NDUFS7: variants seen among roughly 807,000 people sequenced by gnomAD.
NDUFS7 encodes the protein NADH dehydrogenase [ubiquinone] iron-sulfur protein 7, mitochondrial.
In NDUFS7, 11 loss-of-function variants were observed where a neutral mutation model predicts 31.1. The ratio of observed to expected loss-of-function variants is 0.35; its 90% CI spans 0.22 to 0.59. The LOEUF (loss-of-function observed/expected upper bound fraction) is 0.59, where lower values mean the gene tolerates loss of function less well. NDUFS7 is among the 20% of genes least tolerant of loss of function. The probability of loss-of-function intolerance (pLI) is 0.79; values close to 1 mark genes in which losing one functional copy is unlikely to be tolerated. For synonymous variants in NDUFS7, 136 were observed against 127.9 expected, an observed-to-expected ratio of 1.06 and a Z score of -0.43; for missense variants, 263 against 324.2, an observed-to-expected ratio of 0.81 and a Z score of 1.45.
At chr19:1,385,659 A>G (rs1295785277) in intron 1 of NDUFS7, among the ~76,000 whole-genome samples, 3 of 152,130 alleles carry the variant, frequency 2.0e-5, no homozygotes, top group African/African-American at 4.8e-5. Context: ...TCTCTACTAA[A>G]AAATGCAAAA....
chr19:1,391,111 T>C lies in NDUFS7; in HGVS notation c.409-8T>C. 6.2e-7 allele frequency: 1 copy of C among 1,612,864 alleles called. No homozygotes were observed. Among genetic ancestry groups the C allele is most frequent in the South Asian group, 1.1e-5 (1 of 90,994 alleles). The stretch of plus-strand genomic sequence containing the variant: ...GTGAGCTGCGCACGGACCCCGCCTC[T>C]CTTCCAGGTCTACGACCAGATGCCG... On this transcript the variant is annotated splice_polypyrimidine_tract_variant and splice_region_variant and intron_variant, in intron 5 of 7. Transcript: ENST00000233627.
chr19:1,388,124 T>G, intron 2 of NDUFS7: 1 of 594,572 alleles, frequency 1.7e-6, no homozygotes, highest in Non-Finnish European at 3.0e-6. Context: ...TGGGAAGGCA[T>G]TCTCTGAGCC....
At chr19:1,391,604 A>T (rs1157073706) in intron 6 of NDUFS7, among the ~76,000 whole-genome samples, 1 of 148,358 alleles carries the variant, frequency 6.7e-6, no homozygotes, top group Non-Finnish European at 1.5e-5. Flanking sequence ...TTCCTGCCTC[A>T]GCCTCCCAAG....
chr19:1,388,522 C>G lies in NDUFS7; in HGVS notation c.54-3C>G. ...CACTGACCCGCGTTCCATCTCCCGG[C>G]AGCTCCAGCGTGGGCCCGGCTGTGC... On this transcript the variant is annotated splice_polypyrimidine_tract_variant and splice_region_variant and intron_variant, in intron 2 of 7. Transcript: ENST00000233627. 6.2e-7 allele frequency: 1 copy of G among 1,610,894 alleles called. No homozygotes were observed. Among genetic ancestry groups the G allele is most frequent in the East Asian group, 2.2e-5 (1 of 44,826 alleles).
At chr19:1,387,911 CGGGGGGGG>C in intron 2 of NDUFS7, 64 bp downstream of exon 2, 1 of 128,812 alleles carries the variant, frequency 7.8e-6, no homozygotes, top group South Asian at 1.2e-4. Flanking sequence ...ACGAACGGGG[CGGGGGGGG>C]TGGGGGGTGG....
intron 3 of NDUFS7, 37 bp from the exon 4 acceptor site, chr19:1,388,796 G>A: frequency 6.4e-7 from 1 of 1,557,732 alleles, no homozygotes; most frequent in Non-Finnish European, 8.7e-7. Flanking sequence ...GCACCTGCGT[G>A]GCTGACGCCT....
intron 4 of NDUFS7, chr19:1,389,246 C>G (rs1356300882): frequency 1.5e-6 from 1 of 658,074 alleles, no homozygotes; most frequent in African/African-American, 1.8e-5. Flanking sequence ...CTCATGCACA[C>G]TCATGCGCAC....
At chr19:1,394,042 G>A (rs191501865) in intron 7 of NDUFS7, 320 of 274,708 alleles carry the variant, frequency 1.2e-3, no homozygotes, top group Non-Finnish European at 1.9e-3. Context: ...ATGTGGGACA[G>A]GGGACAGAGT....
At chr19:1,384,032 C>T (rs1057446445) in intron 1 of NDUFS7, 90 bp downstream of exon 1, 15 of 1,401,556 alleles carry the variant, frequency 1.1e-5, no homozygotes, top group African/African-American at 1.5e-5. Flanking sequence ...GGGTCGGTGC[C>T]GGCGTCGTGG....
intron 6 of NDUFS7, chr19:1,392,766 T>C (rs1331022472): frequency 4.9e-6 from 1 of 205,854 alleles, no homozygotes; most frequent in African/African-American, 2.3e-5. Context: ...TATGTCCATT[T>C]TTACGGCTGT....
chr19:1,388,972 G>A (rs1190066432), intron 4 of NDUFS7, 34 bp downstream of exon 4: 21 of 1,542,122 alleles, frequency 1.4e-5, no homozygotes, highest in Non-Finnish European at 1.7e-5. Flanking sequence ...CTCCTCGAGC[G>A]CCAGGGCCTC....
At chr19:1,386,521 G>A (rs1418463634) in intron 1 of NDUFS7, 2 of 152,022 alleles carry the variant, frequency 1.3e-5, no homozygotes, top group Non-Finnish European at 2.9e-5. Flanking sequence ...TTTTGAGATG[G>A]AGTCTCCCTC....
At chr19:1,388,091 T>G (rs1425045898) in intron 2 of NDUFS7, 3 of 613,914 alleles carry the variant, frequency 4.9e-6, no homozygotes, top group African/African-American at 3.7e-5. Context: ...CTCAGTGCCG[T>G]CAGAGCTCAC....
chr19:1,384,844 C>T (rs1253160295), intron 1 of NDUFS7, among the ~76,000 whole-genome samples: 5 of 152,212 alleles, frequency 3.3e-5, no homozygotes, highest in African/African-American at 1.2e-4. Flanking sequence ...CAGGGTCTGC[C>T]TCTGTCGCTC....
At chr19:1,389,005 C>A in intron 4 of NDUFS7, 67 bp downstream of exon 4, 1 of 1,292,616 alleles carries the variant, frequency 7.7e-7, no homozygotes, top group Non-Finnish European at 1.1e-6. Flanking sequence ...CAGGCACACA[C>A]ATACACACAC....
intron 7 of NDUFS7, 142 bp from the exon 8 acceptor site, chr19:1,395,249 G>A: frequency 6.9e-7 from 1 of 1,457,950 alleles, no homozygotes. Context: ...CCAGTCCCTG[G>A]CACTGCGCCC....
intron 7 of NDUFS7, 70 bp from the exon 8 acceptor site, chr19:1,395,321 C>T (rs865900669): frequency 2.8e-5 from 43 of 1,541,542 alleles, no homozygotes; most frequent in African/African-American, 1.5e-4. Flanking sequence ...AAAGCCGAGC[C>T]GGCTGCGCTG....
chr19:1,393,004 C>T lies in NDUFS7; in HGVS notation c.456-238C>T, dbSNP rs1359309726. ...CCCGGGAATCGGTGGTCAGGAGCCC[C>T]CTCGGGAGGGGAGCACTTTTCCCCG... On this transcript the variant is annotated intron_variant, in intron 6 of 7. Transcript: ENST00000233627. This position sits in a 1 kb window ranked among gnomAD's most constrained non-coding sequence, Gnocchi z 7.3. 1.7e-6 allele frequency: 1 copy of T among 590,964 alleles called. No individual in the cohort carries two copies. Among genetic ancestry groups the T allele is most frequent in the Admixed American group, 2.9e-5 (1 of 34,408 alleles). 36.6% of individuals were successfully genotyped at this position (590,964 alleles called of 1,614,324 possible).
intron 4 of NDUFS7, chr19:1,389,280 C>T (rs1015435952): frequency 1.7e-6 from 1 of 595,182 alleles, no homozygotes; most frequent in Non-Finnish European, 3.2e-6. Context: ...CACGCACACT[C>T]GCACACACGT....
Sources: gnomAD v4.1 joint callset for allele counts (sites outside exome capture counted in the v4.1 genomes callset) on GRCh38, gnomAD v4.1.1 for gene constraint, Gnocchi (gnomAD v3.1) non-coding constraint, MANE v1.5 for transcripts, NCBI Gene and HGNC (gene_info 2026-07-23, HGNC 2026-07-21) for gene names.